Variants in DPP10 observed in about 807,000 individuals in gnomAD.
DPP10 encodes dipeptidyl peptidase like 10, also known as inactive dipeptidyl peptidase 10.
In DPP10, 33 loss-of-function variants were observed where a neutral mutation model predicts 120.9. The observed-to-expected ratio is 0.27, with a 90% CI of 0.21 to 0.37. The LOEUF (loss-of-function observed/expected upper bound fraction) is 0.37, where lower values mean the gene tolerates loss of function less well. DPP10 is among the 10% of genes least tolerant of loss of function. DPP10 has a pLI of 1.00. For synonymous variants in DPP10, 337 were observed against 326.1 expected, an observed-to-expected ratio of 1.03 and a Z score of -0.36; for missense variants, 816 against 942.8, an observed-to-expected ratio of 0.87 and a Z score of 1.76.
At chr2:114,497,131 ATGTAGGTATACACGTG>A in intron 1 of DPP10, among the ~76,000 whole-genome samples, 1 of 148,562 alleles carries the variant, frequency 6.7e-6, no homozygotes, top group Admixed American at 6.7e-5. Context: ...ACGTGTATAC[ATGTAGGTATACACGTG>A]TATACATGTA....
At chr2:114,769,637 G>A (rs893932057) in intron 1 of DPP10, among the ~76,000 whole-genome samples, 1 of 152,120 alleles carries the variant, frequency 6.6e-6, no homozygotes, top group Non-Finnish European at 1.5e-5. Context: ...ATTTTCAGTA[G>A]GTCAAATGTG....
chr2:114,924,065 C>T (rs773220045), intron 1 of DPP10, among the ~76,000 whole-genome samples: 21 of 152,016 alleles, frequency 1.4e-4, no homozygotes, highest in Non-Finnish European at 2.4e-4. Flanking sequence ...ATAAGCATTG[C>T]CATGCTGATT....
At chr2:115,288,534 A>G (rs1444985762) in intron 1 of DPP10, among the ~76,000 whole-genome samples, 4 of 152,016 alleles carry the variant, frequency 2.6e-5, no homozygotes, top group African/African-American at 9.7e-5. Context: ...CCTGGCCAAC[A>G]TAGTGAAACG....
chr2:114,797,643 G>C (rs949308153), intron 1 of DPP10, among the ~76,000 whole-genome samples: 8 of 152,148 alleles, frequency 5.3e-5, no homozygotes, highest in Non-Finnish European at 8.8e-5. Flanking sequence ...ATAATCTGAA[G>C]TATAAATATA....
At chr2:115,425,675 A>G (rs558639627) in intron 3 of DPP10, among the ~76,000 whole-genome samples, 1 of 152,296 alleles carries the variant, frequency 6.6e-6, no homozygotes, top group South Asian at 2.1e-4. Context: ...AAGATAGATA[A>G]GTGGTTGATT....
rs115904285 is a variant in DPP10 at position 114,832,996 on chromosome 2, T to C, written c.60+390158T>C. 5.8e-3 allele frequency among the ~76,000 whole-genome samples: 885 copies of C among 152,290 alleles called. 7 individuals are homozygous for C. The highest frequency in any genetic ancestry group is 0.02 in the African/African-American group (826 of 41,570). On this transcript the variant is annotated intron_variant, in intron 1 of 25. Transcript: ENST00000410059. Reference sequence around the variant, plus strand: ...AGCAGTGATTTATAATTTTGAGAAATACGATATTCTGATTCTGATTAAAAT... The same window carrying C: ...AGCAGTGATTTATAATTTTGAGAAACACGATATTCTGATTCTGATTAAAAT...
chr2:115,492,593 AAAG>A (rs1036908899), intron 3 of DPP10, among the ~76,000 whole-genome samples: 3 of 152,142 alleles, frequency 2.0e-5, no homozygotes, highest in African/African-American at 7.2e-5. Flanking sequence ...TCTTGAAAAA[AAAG>A]AAGGTTATTT....
intron 1 of DPP10, among the ~76,000 whole-genome samples, chr2:115,057,246 C>T (rs754193180): frequency 4.6e-5 from 7 of 152,174 alleles, no homozygotes; most frequent in Non-Finnish European, 5.9e-5. Context: ...CTTACCCACT[C>T]TGTGTGCCAA....
intron 1 of DPP10, among the ~76,000 whole-genome samples, chr2:114,757,540 A>G (rs1679893593): frequency 6.6e-6 from 1 of 152,198 alleles, no homozygotes; most frequent in Admixed American, 6.5e-5. Context: ...GAGAAAGGGT[A>G]CAAAAAGGAA....
chr2:115,047,847 A>G (rs990670507), intron 1 of DPP10, among the ~76,000 whole-genome samples: 1 of 152,068 alleles, frequency 6.6e-6, no homozygotes, highest in African/African-American at 2.4e-5. Context: ...TTCTTTTGAA[A>G]CTGCTTTTCA....
intron 5 of DPP10, among the ~76,000 whole-genome samples, chr2:115,656,422 A>C (rs1208168384): frequency 6.6e-6 from 1 of 151,620 alleles, no homozygotes; most frequent in East Asian, 1.9e-4. Context: ...TGAAGGTTTC[A>C]GAATATCACT....
At chr2:115,595,408 A>G (rs574539557) in intron 5 of DPP10, among the ~76,000 whole-genome samples, 1 of 152,260 alleles carries the variant, frequency 6.6e-6, no homozygotes, top group East Asian at 1.9e-4. Context: ...AAACTCATCC[A>G]ATCTCAAACA....
intron 1 of DPP10, among the ~76,000 whole-genome samples, chr2:114,867,960 C>T (rs11123257): frequency 0.39 from 59,862 of 151,954 alleles, 12,652 homozygotes; most frequent in South Asian, 0.51. Flanking sequence ...CATTACACTT[C>T]TCATGAAATA....
chr2:114,988,631 C>T (rs1428381791), intron 1 of DPP10, among the ~76,000 whole-genome samples: 1 of 152,152 alleles, frequency 6.6e-6, no homozygotes. Flanking sequence ...TCTCATCTAT[C>T]GTTCGTCAAC....
intron 1 of DPP10, among the ~76,000 whole-genome samples, chr2:114,663,668 T>TATATATATATAGAGAGAGAGAGAGAG: frequency 1.6e-4 from 13 of 80,706 alleles, no homozygotes; most frequent in South Asian, 8.5e-4. Flanking sequence ...TATATATATA[T>TATATATATATAGAGAGAGAGAGAGAG]AGAGAGAGAG....
chr2:115,446,749 T>C (rs1254112408), intron 3 of DPP10, among the ~76,000 whole-genome samples: 3 of 152,128 alleles, frequency 2.0e-5, no homozygotes, highest in African/African-American at 7.2e-5. Context: ...ATGTGCTTAT[T>C]AGGTCCACTA....
intron 1 of DPP10, chr2:115,233,966 T>C (rs2057870174): frequency 1.9e-6 from 1 of 518,174 alleles, no homozygotes; most frequent in Non-Finnish European, 3.9e-6. Flanking sequence ...AAGAGATAAA[T>C]CAGCCTTCAA....
chr2:115,304,201 A>T (rs914130879), intron 1 of DPP10, among the ~76,000 whole-genome samples: 2 of 149,566 alleles, frequency 1.3e-5, no homozygotes, highest in African/African-American at 2.4e-5. Context: ...AGGAGACCCC[A>T]TTTTTTTTTT....
At chr2:114,672,525 A>C (rs1024204993) in intron 1 of DPP10, among the ~76,000 whole-genome samples, 4 of 152,174 alleles carry the variant, frequency 2.6e-5, no homozygotes, top group African/African-American at 9.7e-5. Context: ...TGAAATCACA[A>C]GTTCCTTCTC....
Sources: gnomAD v4.1 joint callset for allele counts (sites outside exome capture counted in the v4.1 genomes callset) on GRCh38, gnomAD v4.1.1 for gene constraint, MANE v1.5 for transcripts, NCBI Gene and HGNC (gene_info 2026-07-23, HGNC 2026-07-21) for gene names.